Variants in SHC2 observed in about 807,000 individuals in gnomAD.
SHC2 encodes SHC adaptor protein 2.
Under a neutral mutation model 60.6 loss-of-function variants are expected in SHC2, and 62 were observed. The observed-to-expected ratio is 1.02, with a 90% CI of 0.83 to 1.26. SHC2 has a LOEUF of 1.26. Ranked by LOEUF, SHC2 falls within the 50% of genes most tolerant of loss-of-function variation. The probability of loss-of-function intolerance (pLI) is 0.00; values close to 1 mark genes in which losing one functional copy is unlikely to be tolerated. For missense variants in SHC2, 873 were observed against 822.2 expected, an observed-to-expected ratio of 1.06 and a Z score of -0.76; for synonymous variants, 375 against 372.4, an observed-to-expected ratio of 1.01 and a Z score of -0.08.
At position 418,943 on chromosome 19, in the gene SHC2, G is replaced by T; in HGVS notation, c.1734C>A (p.Val578=). Residue 578 remains valine (V), a synonymous_variant, in exon 12 of 13, where the codon GTC becomes GTA. Transcript: ENST00000264554. ...CACACCTGGCTCAGGGCTCCCGTGAGACCACGCCACGCAGGTGCAGCTCAC... is the reference window on the plus strand; with the variant it reads ...CACACCTGGCTCAGGGCTCCCGTGATACCACGCCACGCAGGTGCAGCTCAC... ...AESELHLRGV[V]SREP is the part of the protein sequence containing the mutation. 1 of 1,589,792 alleles carries T rather than the reference G, an allele frequency of 6.3e-7. No individual in the cohort carries two copies. The highest frequency in any genetic ancestry group is 8.6e-7 in the Non-Finnish European group (1 of 1,168,568).
chr19:429,728 G>A (rs1318163733), intron 9 of SHC2, among the ~76,000 whole-genome samples: 1 of 140,552 alleles, frequency 7.1e-6, no homozygotes, highest in Non-Finnish European at 1.5e-5. Context: ...TGTGGATGAC[G>A]CAGTACCTAT....
At position 444,961 on chromosome 19, in the gene SHC2, A is replaced by G. The variant is rs555513007; in HGVS notation, c.469-4029T>C. Among the ~76,000 whole-genome samples the G allele has an allele frequency of 5.3e-5, 8 of 152,306 alleles. No homozygotes were observed. The South Asian group carries it at 1.2e-3, about 24-fold the overall frequency. ...TGACCTCCTGGGCCACACGGCCCGC[A>G]GAGCTGGGTCCTGAACCCACACCCC... On this transcript the variant is annotated intron_variant, in intron 1 of 12. Coordinates refer to ENST00000264554, the MANE Select transcript of SHC2 (RefSeq NM_012435.3).
chr19:441,872 C>T lies in SHC2; in HGVS notation c.469-940G>A, dbSNP rs145197056. 4.6e-5 allele frequency among the ~76,000 whole-genome samples: 7 copies of T among 152,390 alleles called. No individual in the cohort carries two copies. The highest frequency in any genetic ancestry group is 1.7e-4 in the African/African-American group (7 of 41,590). ...TCAACACGCAAACACTTTGACCCTG[C>T]AGCTCCATTTTTAGGACTTTACCCC... On this transcript the variant is annotated intron_variant, in intron 1 of 12. Transcript: ENST00000264554. The surrounding 1 kb of genome is among the most constrained non-coding windows in gnomAD (Gnocchi z 4.9).
intron 1 of SHC2, among the ~76,000 whole-genome samples, chr19:458,524 T>C (rs187969863): frequency 0.035 from 3,341 of 94,474 alleles, 330 homozygotes; most frequent in African/African-American, 0.11. Flanking sequence ...AAGCGGGTCC[T>C]GGGGAGGCGG....
At chr19:431,239 T>G (rs114538222) in intron 8 of SHC2, among the ~76,000 whole-genome samples, 1,972 of 150,982 alleles carry the variant, frequency 0.013, 46 homozygotes, top group African/African-American at 0.045. Context: ...CCACCTCGTC[T>G]AATGTGTCCA....
At chr19:449,733 C>T (rs1329971423) in intron 1 of SHC2, among the ~76,000 whole-genome samples, 1 of 152,074 alleles carries the variant, frequency 6.6e-6, no homozygotes, top group East Asian at 1.9e-4. Flanking sequence ...TGCACTCCAG[C>T]CTGGGCAACG....
At chr19:437,627 G>C (rs1412654854) in intron 4 of SHC2, among the ~76,000 whole-genome samples, 3 of 151,962 alleles carry the variant, frequency 2.0e-5, no homozygotes, top group Non-Finnish European at 4.4e-5. Context: ...CTCGCAGGGT[G>C]GGGGCAGAGA....
Position 438,912 on chromosome 19 carries a change from G to A in SHC2, c.600+58C>T, listed in dbSNP as rs1345365125. 8.4e-6 allele frequency: 13 copies of A among 1,554,322 alleles called. No individual in the cohort carries two copies. The East Asian group carries it at 9.6e-5, about 11-fold the overall frequency. On this transcript the variant is annotated intron_variant, in intron 3 of 12. Coordinates refer to ENST00000264554, the MANE Select transcript of SHC2 (RefSeq NM_012435.3). This position sits in a 1 kb window ranked among gnomAD's most constrained non-coding sequence, Gnocchi z 5.0. The stretch of plus-strand genomic sequence containing the variant: ...GAGGGGCTCCCAGGATGGCCGCAGC[G>A]TCCCCACAGCCCCCGACTGCCCCAC...
In SHC2 at chr19:460,964, C is replaced by G. The variant is rs1975539257; in HGVS notation, c.33G>C (p.Pro11=). Residue 11 remains proline (P), a synonymous_variant, in exon 1 of 13, where the codon CCG becomes CCC. Transcript: ENST00000264554. MTQGPGGRAP[P]APPAPPEPEA... ...CGGGCTCGGGGGGCGCGGGGGGCGCCGGGGGCGCGCGCCCGCCCGGACCCT... is the reference window on the plus strand; with the variant it reads ...CGGGCTCGGGGGGCGCGGGGGGCGCGGGGGGCGCGCGCCCGCCCGGACCCT... 3.1e-6 allele frequency: 3 copies of G among 981,192 alleles called. No individual in the cohort carries two copies. The highest frequency in any genetic ancestry group is 3.6e-6 in the Non-Finnish European group (3 of 826,888). 60.8% of individuals were successfully genotyped at this position (981,192 alleles called of 1,614,324 possible).
At position 460,753 on chromosome 19, in the gene SHC2, C is replaced by T. The variant is rs1228525000; in HGVS notation, c.244G>A (p.Ala82Thr). The change falls in exon 1 of 13, where the codon GCC (alanine) becomes ACC (threonine). Residue 82 changes from alanine to threonine, a missense_variant. By Grantham distance (58) the Ala-to-Thr change is moderately conservative. Coordinates refer to ENST00000264554, the MANE Select transcript of SHC2 (RefSeq NM_012435.3). Reference protein sequence around the residue: ...VPALAAAVLGACEPRCAAPCP... With the variant: ...VPALAAAVLGTCEPRCAAPCP... ...GGCGCGGCGCAGCGGGGCTCGCAGG[C>T]GCCCAGGACGGCGGCCGCCAGCGCC... 16 of 979,422 alleles carry T rather than the reference C, an allele frequency of 1.6e-5. No homozygotes were observed. Among genetic ancestry groups the T allele is most frequent in the Non-Finnish European group, 1.9e-5 (16 of 827,754 alleles). The allele number at this position is 979,422 out of a possible 1,614,324, so 60.7% of individuals were successfully genotyped here.
intron 1 of SHC2, among the ~76,000 whole-genome samples, chr19:448,825 C>T (rs1975107612): frequency 6.6e-6 from 1 of 152,088 alleles, no homozygotes; most frequent in Non-Finnish European, 1.5e-5. Flanking sequence ...CCATGGATCC[C>T]AGGACGGAAC....
chr19:429,296 A>G (rs994276298), intron 9 of SHC2, among the ~76,000 whole-genome samples: 8 of 148,524 alleles, frequency 5.4e-5, no homozygotes, highest in African/African-American at 2.0e-4. Flanking sequence ...CGCAGTACCT[A>G]TACCCAACAT....
Position 425,194 on chromosome 19 carries a change from C to G in SHC2, c.1212G>C (p.Arg404=), listed in dbSNP as rs1600276810. The change falls in exon 10 of 13, where the codon CGG becomes CGC. Residue 404 remains arginine (R), a synonymous_variant. Coordinates refer to ENST00000264554, the MANE Select transcript of SHC2 (RefSeq NM_012435.3). This position sits in a 1 kb window ranked among gnomAD's most constrained non-coding sequence, Gnocchi z 4.1. Reference sequence around the variant, plus strand: ...GGTGCTCCTCGTGGTCCGGGGGGCCCCGGGCGTCCGCCTGCACGTAGCCGT... The same window carrying G: ...GGTGCTCCTCGTGGTCCGGGGGGCCGCGGGCGTCCGCCTGCACGTAGCCGT... ...PGDGYVQADA[R]GPPDHEEHLY... is the part of the protein sequence containing the mutation. The G allele has an allele frequency of 1.5e-6, 2 of 1,344,056 alleles. No individual in the cohort carries two copies. The highest frequency in any genetic ancestry group is 1.9e-6 in the Non-Finnish European group (2 of 1,038,032). The allele number at this position is 1,344,056 out of a possible 1,614,324, so 83.3% of individuals were successfully genotyped here. A position where few individuals can be genotyped will look rare whatever the true frequency, so the allele number is the denominator to read the frequency against.
intron 1 of SHC2, 23 bp downstream of exon 1, chr19:460,506 C>T (rs1207978562): frequency 1.2e-4 from 93 of 792,944 alleles, no homozygotes; most frequent in Non-Finnish European, 1.3e-4. Flanking sequence ...AACGGGCTCC[C>T]GGGGGGGGTG....
chr19:453,291 G>T lies in SHC2; in HGVS notation c.468+7238C>A, dbSNP rs1975246526. On this transcript the variant is annotated intron_variant, in intron 1 of 12. Coordinates refer to ENST00000264554, the MANE Select transcript of SHC2 (RefSeq NM_012435.3). The surrounding 1 kb of genome is among the most constrained non-coding windows in gnomAD (Gnocchi z 6.3). ...ACAAAACCTGAGTTTTGTTTCTGAGGCAGGGTCTTGCTCTGTCACCCAGGC... is the reference window on the plus strand; with the variant it reads ...ACAAAACCTGAGTTTTGTTTCTGAGTCAGGGTCTTGCTCTGTCACCCAGGC... The T allele has an allele frequency of 6.6e-6, 1 of 152,106 alleles. No individual in the cohort carries two copies. The highest frequency in any genetic ancestry group is 2.4e-5 in the African/African-American group (1 of 41,392). The allele number at this position is 152,106 out of a possible 1,614,324, so 9.4% of individuals were successfully genotyped here. A position where few individuals can be genotyped will look rare whatever the true frequency, so the allele number is the denominator to read the frequency against.
At chr19:420,522 T>A (rs1974243100) in intron 11 of SHC2, among the ~76,000 whole-genome samples, 1 of 152,190 alleles carries the variant, frequency 6.6e-6, no homozygotes, top group South Asian at 2.1e-4. Context: ...GAACTCCTTG[T>A]AAATTGGAAA....
intron 1 of SHC2, among the ~76,000 whole-genome samples, chr19:447,819 T>C (rs2145742578): frequency 6.6e-6 from 1 of 152,146 alleles, no homozygotes; most frequent in South Asian, 2.1e-4. Context: ...AGAGGAAACT[T>C]CACACTGCAA....
chr19:418,473 G>A (rs574412323), intron 12 of SHC2, among the ~76,000 whole-genome samples: 78 of 152,348 alleles, frequency 5.1e-4, no homozygotes, highest in African/African-American at 1.3e-3. Context: ...GTCCATCAGC[G>A]GATGAACACA....
Position 460,973 on chromosome 19 carries a change from G to T in SHC2, c.24C>A (p.Arg8=). MTQGPGG[R]APPAPPAPPE... ...GGGGCGCGGGGGGCGCCGGGGGCGCGCGCCCGCCCGGACCCTGCGTCATGG... is the reference window on the plus strand; with the variant it reads ...GGGGCGCGGGGGGCGCCGGGGGCGCTCGCCCGCCCGGACCCTGCGTCATGG... The change falls in exon 1 of 13, where the codon CGC becomes CGA. Residue 8 remains arginine (R), a synonymous_variant. Transcript: ENST00000264554. 1.0e-6 allele frequency: 1 copy of T among 979,910 alleles called. No homozygotes were observed. The highest frequency in any genetic ancestry group is 4.6e-5 in the South Asian group (1 of 21,946). The allele number at this position is 979,910 out of a possible 1,614,324, so 60.7% of individuals were successfully genotyped here.
Sources: gnomAD v4.1 joint callset for allele counts (sites outside exome capture counted in the v4.1 genomes callset) on GRCh38, gnomAD v4.1.1 for gene constraint, Gnocchi (gnomAD v3.1) non-coding constraint, MANE v1.5 for transcripts, NCBI Gene and HGNC (gene_info 2026-07-23, HGNC 2026-07-21) for gene names.